MCC: variants seen among roughly 807,000 people sequenced by gnomAD.
MCC encodes colorectal mutant cancer protein.
A neutral mutation model predicts 116.2 loss-of-function variants in MCC; 90 were observed. The ratio of observed to expected loss-of-function variants is 0.77; its 90% CI spans 0.65 to 0.92. MCC has a LOEUF of 0.92. Ranked by LOEUF, MCC falls within the 40% of genes least tolerant of loss-of-function variation. MCC has a pLI of 0.00. For synonymous variants in MCC, 578 were observed against 510.5 expected, an observed-to-expected ratio of 1.13 and a Z score of -1.78; for missense variants, 1,516 against 1,312.2, an observed-to-expected ratio of 1.16 and a Z score of -2.40.
At chr5:113,165,973 AG>A (rs1323833965) in intron 3 of MCC, among the ~76,000 whole-genome samples, 1 of 116,354 alleles carries the variant, frequency 8.6e-6, no homozygotes, top group Admixed American at 9.4e-5. Flanking sequence ...GAGGGGTGGG[AG>A]GGGGCAGGGA....
intron 3 of MCC, among the ~76,000 whole-genome samples, chr5:113,328,094 G>T (rs181602644): frequency 6.6e-6 from 1 of 152,202 alleles, no homozygotes; most frequent in East Asian, 1.9e-4. Flanking sequence ...TAATGTAAAT[G>T]CCAGTCTTAT....
At chr5:113,067,817 T>C (rs1753729205) in intron 13 of MCC, among the ~76,000 whole-genome samples, 1 of 152,276 alleles carries the variant, frequency 6.6e-6, no homozygotes, top group African/African-American at 2.4e-5. Flanking sequence ...CAGCTCCATC[T>C]GGCCCCACTG....
rs191705195 is a variant in MCC, at chr5:113,109,943, T to C, written c.1028-5588A>G. 3.6e-3 allele frequency among the ~76,000 whole-genome samples: 555 copies of C among 152,260 alleles called. 3 individuals are homozygous for C. The highest frequency in any genetic ancestry group is 0.013 in the African/African-American group (528 of 41,546). On this transcript the variant is annotated intron_variant, in intron 6 of 18. Coordinates refer to ENST00000408903, the MANE Select transcript of MCC (RefSeq NM_001085377.2). ...GCAGCTGAGGCAGGCCCACTGGCTTTCTCCCTCAGCCTCTGCTGTACTTTA... is the reference window on the plus strand; with the variant it reads ...GCAGCTGAGGCAGGCCCACTGGCTTCCTCCCTCAGCCTCTGCTGTACTTTA...
rs563751383 is a variant in MCC, at chr5:113,147,842, A to G, written c.741+3467T>C. The stretch of plus-strand genomic sequence containing the variant: ...ACCCTAACAAAAATACATGCCGACT[A>G]CATCTCAGAAAAGTTATCTCAGAAA... On this transcript the variant is annotated intron_variant, in intron 4 of 18. Coordinates refer to ENST00000408903, the MANE Select transcript of MCC (RefSeq NM_001085377.2). 2.6e-5 allele frequency among the ~76,000 whole-genome samples: 4 copies of G among 152,344 alleles called. 1 individual carries two copies. The highest frequency in any genetic ancestry group is 4.1e-4 in the South Asian group (2 of 4,826).
intron 5 of MCC, among the ~76,000 whole-genome samples, chr5:113,133,889 G>C (rs973526855): frequency 6.6e-6 from 1 of 152,062 alleles, no homozygotes; most frequent in African/African-American, 2.4e-5. Flanking sequence ...CCATTTGTAC[G>C]TCTTCTTTTG....
At chr5:113,032,735 G>C (rs889317400) in intron 17 of MCC, among the ~76,000 whole-genome samples, 1 of 152,176 alleles carries the variant, frequency 6.6e-6, no homozygotes. Context: ...CACAGGATGA[G>C]ATAGGAGGTC....
chr5:113,318,003 G>T (rs1005066620), intron 3 of MCC, among the ~76,000 whole-genome samples: 10 of 152,182 alleles, frequency 6.6e-5, no homozygotes, highest in Admixed American at 4.6e-4. Flanking sequence ...ATATAAGAAG[G>T]AAAAAAGGAA....
chr5:113,083,199 G>GAA (rs60576880), intron 10 of MCC, among the ~76,000 whole-genome samples, 191 bp from the exon 11 acceptor site: 5 of 149,138 alleles, frequency 3.4e-5, no homozygotes, highest in African/African-American at 4.9e-5. Context: ...AAAAGCAGTA[G>GAA]AAAAAAAAAA....
chr5:113,330,261 C>T (rs1020996097), intron 3 of MCC, among the ~76,000 whole-genome samples: 2 of 152,216 alleles, frequency 1.3e-5, no homozygotes, highest in African/African-American at 4.8e-5. Context: ...GTTCTGAGAG[C>T]TGAGTGATTC....
intron 8 of MCC, among the ~76,000 whole-genome samples, chr5:113,097,561 G>A (rs74902956): frequency 0.011 from 1,634 of 152,138 alleles, 47 homozygotes; most frequent in African/African-American, 0.037. Flanking sequence ...GTACTATTTT[G>A]CAGTCTGCAT....
At chr5:113,118,615 A>G (rs1757531706) in intron 6 of MCC, among the ~76,000 whole-genome samples, 2 of 152,214 alleles carry the variant, frequency 1.3e-5, no homozygotes, top group South Asian at 4.1e-4. Flanking sequence ...ACTGCAGCAA[A>G]TTCTGCAGCT....
chr5:113,194,430 C>A (rs1762293539), intron 3 of MCC, among the ~76,000 whole-genome samples: 1 of 152,118 alleles, frequency 6.6e-6, no homozygotes. Flanking sequence ...TTTAGGAGGC[C>A]CAGGCAGGAG....
rs5870543 is a variant in MCC at position 113,459,825 on chromosome 5, A to AACACACACACACACACACAC, written c.170+28400_170+28419dup. On this transcript the variant is annotated intron_variant, in intron 1 of 18. Transcript: ENST00000408903. ...AAGGAGTCCTAGAATCGCTATGGAA[A>AACACACACACACACACACAC]ACACACACACACACACACACACACA... Among the ~76,000 whole-genome samples the AACACACACACACACACACAC allele has an allele frequency of 1.0e-3, 147 of 147,630 alleles. 1 individual carries two copies. Among genetic ancestry groups the AACACACACACACACACACAC allele is most frequent in the Admixed American group, 2.4e-3 (35 of 14,776 alleles).
intron 9 of MCC, 137 bp from the exon 10 acceptor site, chr5:113,084,327 A>G: frequency 6.0e-6 from 4 of 664,064 alleles, no homozygotes; most frequent in Non-Finnish European, 1.0e-5. Context: ...CTCACGTCCA[A>G]TTTTTCTACC....
At chr5:113,161,532 A>G (rs1369376561) in intron 3 of MCC, among the ~76,000 whole-genome samples, 1 of 152,150 alleles carries the variant, frequency 6.6e-6, no homozygotes, top group African/African-American at 2.4e-5. Context: ...TTTTACAGCA[A>G]TGGTTGAAGT....
chr5:113,238,688 C>T (rs1019452487), intron 3 of MCC, among the ~76,000 whole-genome samples: 1 of 152,212 alleles, frequency 6.6e-6, no homozygotes, highest in African/African-American at 2.4e-5. Flanking sequence ...TAGTTTCATC[C>T]TCCCACATGC....
chr5:113,072,034 A>G (rs1404252479), intron 11 of MCC, among the ~76,000 whole-genome samples: 1 of 152,256 alleles, frequency 6.6e-6, no homozygotes, highest in Non-Finnish European at 1.5e-5. Flanking sequence ...GTTAGCAAAC[A>G]AATGAATAAT....
intron 3 of MCC, among the ~76,000 whole-genome samples, chr5:113,272,814 C>T (rs1321194654): frequency 1.3e-5 from 2 of 152,180 alleles, no homozygotes; most frequent in African/African-American, 2.4e-5. Context: ...ACTCTGCTAT[C>T]GTATCTGGCA....
intron 1 of MCC, among the ~76,000 whole-genome samples, chr5:113,399,047 G>A (rs762576197): frequency 6.6e-6 from 1 of 152,108 alleles, no homozygotes; most frequent in Admixed American, 6.5e-5. Flanking sequence ...CATTTCAGAT[G>A]CTCAGGAGCC....
Sources: allele counts gnomAD v4.1 joint callset (sites outside exome capture counted in the v4.1 genomes callset), GRCh38; gene constraint gnomAD v4.1.1; transcripts MANE v1.5; gene names NCBI Gene and HGNC (gene_info 2026-07-23, HGNC 2026-07-21).